SCHIP1: variants seen among roughly 807,000 people sequenced by gnomAD.
SCHIP1 encodes the protein schwannomin-interacting protein 1.
A neutral mutation model predicts 29.7 loss-of-function variants in SCHIP1; 8 were observed. That is an observed-to-expected ratio of 0.27 (90% CI 0.16 to 0.49). The LOEUF is 0.49. Ranked by LOEUF, SCHIP1 falls within the 20% of genes least tolerant of loss-of-function variation. The pLI is 0.99. For missense variants in SCHIP1, 193 were observed against 294.6 expected (o/e 0.66, Z 2.52); for synonymous variants, 76 against 94.9 (o/e 0.80, Z 1.16).
chr3:159,601,885 G>C, the SCHIP1 span, among the ~76,000 whole-genome samples: 1 of 152,216 alleles, frequency 6.6e-6, no homozygotes, highest in Admixed American at 6.5e-5. Context: ...AAAAGCTCCT[G>C]GGATGGGGAG....
chr3:159,864,470 TACACACACACACACAC>T (rs58371525), intron 1 of SCHIP1, among the ~76,000 whole-genome samples: 43 of 139,836 alleles, frequency 3.1e-4, no homozygotes, highest in East Asian at 8.5e-4. Flanking sequence ...ATGGCTGTAC[TACACACACACACACAC>T]ACACACACAC....
the SCHIP1 span, among the ~76,000 whole-genome samples, chr3:159,665,546 T>TTGTTTGTGTGTGTGTGTGTG: frequency 6.8e-6 from 1 of 147,564 alleles, no homozygotes; most frequent in African/African-American, 2.5e-5. Context: ...GTTTTTGGGG[T>TTGTTTGTGTGTGTGTGTGTG]TGTGTGTGTG....
At chr3:159,428,591 G>T in the SCHIP1 span, among the ~76,000 whole-genome samples, 1 of 151,348 alleles carries the variant, frequency 6.6e-6, no homozygotes, top group Admixed American at 6.6e-5. Flanking sequence ...CTTTTACACT[G>T]TTGGTGGGAC....
chr3:159,664,659 A>G, the SCHIP1 span, among the ~76,000 whole-genome samples: 1 of 152,228 alleles, frequency 6.6e-6, no homozygotes, highest in Non-Finnish European at 1.5e-5. Flanking sequence ...TGCAGGCAAA[A>G]GGAAGGTGTG....
chr3:159,577,118 G>A, the SCHIP1 span, among the ~76,000 whole-genome samples: 4 of 152,138 alleles, frequency 2.6e-5, no homozygotes, highest in South Asian at 2.1e-4. Flanking sequence ...CCTAAGGTAC[G>A]TTTCAAGTAT....
chr3:159,528,350 G>C, the SCHIP1 span, among the ~76,000 whole-genome samples: 1 of 152,172 alleles, frequency 6.6e-6, no homozygotes, highest in Non-Finnish European at 1.5e-5. Flanking sequence ...ACAGCCAGTA[G>C]CCTTCCATGA....
At chr3:159,776,583 C>T in the SCHIP1 span, among the ~76,000 whole-genome samples, 1 of 152,094 alleles carries the variant, frequency 6.6e-6, no homozygotes, top group Non-Finnish European at 1.5e-5. Context: ...ACCCAAATAG[C>T]GTTTAAAATA....
chr3:159,619,747 A>G, the SCHIP1 span, among the ~76,000 whole-genome samples: 1 of 152,228 alleles, frequency 6.6e-6, no homozygotes, highest in Non-Finnish European at 1.5e-5. Flanking sequence ...AGTTTGCAGC[A>G]TGAGTGAACT....
chr3:159,444,370 CA>C, the SCHIP1 span, among the ~76,000 whole-genome samples: 1 of 152,058 alleles, frequency 6.6e-6, no homozygotes, highest in Non-Finnish European at 1.5e-5. Context: ...AGAATGCCCC[CA>C]AGAAGCCATT....
the SCHIP1 span, among the ~76,000 whole-genome samples, chr3:159,695,582 C>T: frequency 1.3e-5 from 2 of 152,148 alleles, no homozygotes; most frequent in African/African-American, 2.4e-5. Context: ...CACCATGTGG[C>T]TTTTGTCTTT....
the SCHIP1 span, among the ~76,000 whole-genome samples, chr3:159,588,564 A>C: frequency 5.7e-4 from 86 of 152,126 alleles, 1 homozygote; most frequent in Middle Eastern, 3.4e-3. Flanking sequence ...AATGGTATTG[A>C]CTAGGTTTTC....
chr3:159,773,567 AT>A, the SCHIP1 span, among the ~76,000 whole-genome samples: 1 of 152,130 alleles, frequency 6.6e-6, no homozygotes, highest in Admixed American at 6.5e-5. Flanking sequence ...CCCAAATTTA[AT>A]TTGGAGTACA....
At chr3:159,338,655 A>T in the SCHIP1 span, among the ~76,000 whole-genome samples, 1 of 152,150 alleles carries the variant, frequency 6.6e-6, no homozygotes, top group South Asian at 2.1e-4. Flanking sequence ...AGAGACTGTT[A>T]TAGTAATCCA....
At chr3:159,688,042 A>T in the SCHIP1 span, among the ~76,000 whole-genome samples, 1 of 152,232 alleles carries the variant, frequency 6.6e-6, no homozygotes, top group Non-Finnish European at 1.5e-5. Context: ...GCTATCGTGA[A>T]TAGTGCTGCA....
At chr3:159,511,020 C>T in the SCHIP1 span, among the ~76,000 whole-genome samples, 2 of 152,232 alleles carry the variant, frequency 1.3e-5, no homozygotes, top group Admixed American at 6.5e-5. Flanking sequence ...TTTAAGTCTG[C>T]AGAGGTTTCT....
the SCHIP1 span, among the ~76,000 whole-genome samples, chr3:159,581,738 A>G: frequency 6.6e-6 from 1 of 152,220 alleles, no homozygotes; most frequent in East Asian, 1.9e-4. Context: ...CTACAAGTAA[A>G]GTCTACCTGA....
At chr3:159,731,422 T>C in the SCHIP1 span, among the ~76,000 whole-genome samples, 2 of 152,238 alleles carry the variant, frequency 1.3e-5, no homozygotes, top group African/African-American at 4.8e-5. Context: ...CTGTGGGCTT[T>C]AGCCAAGGGA....
At chr3:159,505,928 A>T in the SCHIP1 span, among the ~76,000 whole-genome samples, 4 of 152,304 alleles carry the variant, frequency 2.6e-5, no homozygotes, top group Non-Finnish European at 1.5e-5. Flanking sequence ...GCCGCAATAA[A>T]CATACGTGTG....
chr3:159,848,820 C>T (rs973203502), intron 1 of SCHIP1, among the ~76,000 whole-genome samples: 1 of 152,070 alleles, frequency 6.6e-6, no homozygotes, highest in African/African-American at 2.4e-5. Context: ...AGTGATGCCA[C>T]ACATAATAGG....
Sources: gnomAD v4.1 joint callset for allele counts (sites outside exome capture counted in the v4.1 genomes callset) on GRCh38, gnomAD v4.1.1 for gene constraint, MANE v1.5 for transcripts, NCBI Gene and HGNC (gene_info 2026-07-23, HGNC 2026-07-21) for gene names.